The following AFAP1L2 variants were observed in gnomAD, a reference collection of about 807,000 sequenced individuals.
The protein encoded by AFAP1L2 is actin filament associated protein 1 like 2.
In AFAP1L2, 46 loss-of-function variants were observed where a neutral mutation model predicts 99.3. The ratio of observed to expected loss-of-function variants is 0.46; its 90% confidence interval spans 0.37 to 0.59. The LOEUF is 0.59. AFAP1L2 is among the 20% of genes least tolerant of loss of function. The pLI is 0.00. For missense variants in AFAP1L2, 959 were observed against 1,034.9 expected, an observed-to-expected ratio of 0.93 and a Z score of 1.01; for synonymous variants, 397 against 419.1, an observed-to-expected ratio of 0.95 and a Z score of 0.64.
chr10:114,361,601 G>A (rs934754464), intron 1 of AFAP1L2, among the ~76,000 whole-genome samples: 1 of 152,158 alleles, frequency 6.6e-6, no homozygotes, highest in Non-Finnish European at 1.5e-5. Context: ...TGCTGGGTTT[G>A]CAAAGTGATG....
In AFAP1L2 at chr10:114,340,689, A is replaced by G; in HGVS notation, c.59T>C (p.Ile20Thr). Residue 20 changes from isoleucine to threonine, a missense_variant, in exon 2 of 19, where the codon ATT becomes ACT. Ile to Thr is a moderately conservative substitution (Grantham distance 89). Transcript: ENST00000304129. ...GCTGCTCAGGTTCTCCTGGTCAAGA[A>G]TCTTGAGGAAGTCATCCAACTCTGT... ...LLTELDDFLK[I>T]LDQENLSSTA... 6.2e-7 allele frequency: 1 copy of G among 1,614,194 alleles called. No homozygotes were observed. The highest frequency in any genetic ancestry group is 8.5e-7 in the Non-Finnish European group (1 of 1,180,038).
the AFAP1L2 span, chr10:114,288,870 C>T: frequency 6.5e-7 from 1 of 1,533,120 alleles, no homozygotes; most frequent in Non-Finnish European, 8.8e-7. Flanking sequence ...ACCTGGCAGT[C>T]CCTGGGTCCC....
intron 1 of AFAP1L2, among the ~76,000 whole-genome samples, chr10:114,352,634 G>C (rs898734838): frequency 2.0e-5 from 3 of 152,214 alleles, no homozygotes; most frequent in African/African-American, 7.2e-5. Flanking sequence ...ACAGTACTGA[G>C]AATGAACGAG....
At chr10:114,335,051 C>G (rs1222310529) in intron 2 of AFAP1L2, among the ~76,000 whole-genome samples, 1 of 152,134 alleles carries the variant, frequency 6.6e-6, no homozygotes, top group Non-Finnish European at 1.5e-5. Context: ...CTCAAAGGCT[C>G]AACAATAGGA....
chr10:114,321,898 C>T (rs2045411104), intron 5 of AFAP1L2, among the ~76,000 whole-genome samples: 1 of 152,162 alleles, frequency 6.6e-6, no homozygotes, highest in South Asian at 2.1e-4. Flanking sequence ...CTTTTCAATA[C>T]CTAAGTGATA....
chr10:114,283,397 A>C, the AFAP1L2 span, among the ~76,000 whole-genome samples: 18 of 150,744 alleles, frequency 1.2e-4, no homozygotes, highest in East Asian at 3.1e-3. Flanking sequence ...AGTTAGACAC[A>C]CAGGCAGGGT....
chr10:114,282,801 T>C, the AFAP1L2 span, among the ~76,000 whole-genome samples: 2 of 152,166 alleles, frequency 1.3e-5, no homozygotes, highest in African/African-American at 4.8e-5. Flanking sequence ...ACCAGTGTTG[T>C]GTGCATTGGT....
chr10:114,303,179 G>C (rs2134098061), intron 11 of AFAP1L2, among the ~76,000 whole-genome samples: 1 of 151,362 alleles, frequency 6.6e-6, no homozygotes, highest in African/African-American at 2.5e-5. Flanking sequence ...CAAAGCTATA[G>C]GTTTATTTTG....
Position 114,381,562 on chromosome 10 carries a change from A to G in AFAP1L2, c.16+22878T>C, listed in dbSNP as rs555546840. On this transcript the variant is annotated intron_variant, in intron 1 of 18. Coordinates refer to ENST00000304129, the MANE Select transcript of AFAP1L2 (RefSeq NM_001001936.3). ...TGTATGGTATGTGAATAATACCTCA[A>G]TAAAGCTGTTTTTTAAAAACACAAA... is the stretch of plus-strand genomic sequence containing the variant. 6.4e-4 allele frequency among the ~76,000 whole-genome samples: 97 copies of G among 152,340 alleles called. 1 individual carries two copies. Among genetic ancestry groups the G allele is most frequent in the African/African-American group, 2.1e-3 (89 of 41,580 alleles).
intron 1 of AFAP1L2, among the ~76,000 whole-genome samples, chr10:114,366,693 C>T (rs2210678): frequency 0.081 from 12,335 of 152,214 alleles, 595 homozygotes; most frequent in East Asian, 0.15. Flanking sequence ...CTTGGCCGGG[C>T]GCGGTGGCTC....
At chr10:114,317,542 T>C (rs1186690115) in intron 5 of AFAP1L2, among the ~76,000 whole-genome samples, 2 of 152,094 alleles carry the variant, frequency 1.3e-5, no homozygotes, top group East Asian at 3.9e-4. Flanking sequence ...TCCTGGTATT[T>C]TATCCTAGGA....
At chr10:114,281,729 C>G in the AFAP1L2 span, 8 of 985,386 alleles carry the variant, frequency 8.1e-6, no homozygotes, top group Non-Finnish European at 8.4e-6. Flanking sequence ...CTGCGGGAGG[C>G]CTGGAGCCTT....
intron 1 of AFAP1L2, among the ~76,000 whole-genome samples, chr10:114,363,880 T>A (rs2052814986): frequency 6.6e-6 from 1 of 152,184 alleles, no homozygotes; most frequent in South Asian, 2.1e-4. Context: ...ATTTTACAGA[T>A]GGGAAAACTG....
chr10:114,333,317 G>A (rs370642464), intron 2 of AFAP1L2, 22 bp from the exon 3 acceptor site: 5 of 1,599,430 alleles, frequency 3.1e-6, no homozygotes, highest in Non-Finnish European at 4.3e-6. Context: ...AGGAGACACA[G>A]GCTTTGTGTG....
At chr10:114,298,908 A>C (rs549939923) in intron 16 of AFAP1L2, among the ~76,000 whole-genome samples, 5 of 152,338 alleles carry the variant, frequency 3.3e-5, no homozygotes, top group Middle Eastern at 3.4e-3. Flanking sequence ...ACCAGAGCTC[A>C]AAAAATCTGC....
At chr10:114,282,393 G>T in the AFAP1L2 span, 1 of 765,394 alleles carries the variant, frequency 1.3e-6, no homozygotes, top group Non-Finnish European at 2.3e-6. Flanking sequence ...ACAAAACCAG[G>T]AAGTCTTTCT....
rs555193837 is a variant in AFAP1L2 at position 114,357,692 on chromosome 10, T to C, written c.17-16961A>G. 2.1e-3 allele frequency among the ~76,000 whole-genome samples: 316 copies of C among 152,300 alleles called. 1 individual carries two copies. The highest frequency in any genetic ancestry group is 7.5e-3 in the Admixed American group (115 of 15,298). On this transcript the variant is annotated intron_variant, in intron 1 of 18. Coordinates refer to ENST00000304129, the MANE Select transcript of AFAP1L2 (RefSeq NM_001001936.3). ...CCATTTCTAATTTACATGTATTCCT[T>C]GAAATAATAAAAGAAGAATGCATGT...
rs1367271834 is a variant in AFAP1L2 at position 114,342,286 on chromosome 10, C to T, written c.17-1555G>A. ...GTGGGGTGAGGTGGGGAGCCCTCTCCTCCCTGCTCATACCTAACTAGCTAT... is the reference window on the plus strand; with the variant it reads ...GTGGGGTGAGGTGGGGAGCCCTCTCTTCCCTGCTCATACCTAACTAGCTAT... On this transcript the variant is annotated intron_variant, in intron 1 of 18. Transcript: ENST00000304129. Among the ~76,000 whole-genome samples the T allele has an allele frequency of 4.6e-5, 7 of 151,264 alleles. No homozygotes were observed. In the East Asian group the frequency reaches 5.9e-4, roughly 13 times the overall value.
Position 114,379,817 on chromosome 10 carries a change from T to C in AFAP1L2, c.16+24623A>G, listed in dbSNP as rs2055356983. 3.9e-5 allele frequency among the ~76,000 whole-genome samples: 6 copies of C among 152,230 alleles called. No homozygotes were observed. The South Asian group carries it at 1.2e-3, about 32-fold the overall frequency. ...TGATATGAAAGTTAAGCAGGTCTTT[T>C]CCTTGAGTGAATCAGTTTCCTTGCC... On this transcript the variant is annotated intron_variant, in intron 1 of 18. Coordinates refer to ENST00000304129, the MANE Select transcript of AFAP1L2 (RefSeq NM_001001936.3).
Sources: allele counts gnomAD v4.1 joint callset (sites outside exome capture counted in the v4.1 genomes callset), GRCh38; gene constraint gnomAD v4.1.1; transcripts MANE v1.5; gene names NCBI Gene and HGNC (gene_info 2026-07-23, HGNC 2026-07-21).